Variants in CCNJL observed in about 807,000 individuals in gnomAD.
The protein encoded by CCNJL is cyclin J like.
In CCNJL, 33 loss-of-function variants were observed where a neutral mutation model predicts 33.4. The ratio of observed to expected loss-of-function variants is 0.99; its 90% confidence interval spans 0.75 to 1.32. The LOEUF is 1.32. Among genes scored for constraint, CCNJL ranks in the 40% most tolerant of loss-of-function variants. The probability of loss-of-function intolerance (pLI) is 0.00; values close to 1 mark genes in which losing one functional copy is unlikely to be tolerated. For synonymous variants in CCNJL, 227 were observed against 220.9 expected, an observed-to-expected ratio of 1.03 and a Z score of -0.24; for missense variants, 512 against 499.7, an observed-to-expected ratio of 1.02 and a Z score of -0.23.
intron 3 of CCNJL, among the ~76,000 whole-genome samples, chr5:160,274,340 T>A (rs968212633): frequency 3.3e-5 from 5 of 151,846 alleles, no homozygotes; most frequent in Admixed American, 2.6e-4. Flanking sequence ...GTGCCTGTAA[T>A]CCCAGCTACT....
At chr5:160,282,832 TA>T (rs1418495170) in intron 2 of CCNJL, among the ~76,000 whole-genome samples, 1 of 151,124 alleles carries the variant, frequency 6.6e-6, no homozygotes, top group African/African-American at 2.4e-5. Context: ...AAGTGCTGGA[TA>T]GGGGCAAACT....
intron 3 of CCNJL, among the ~76,000 whole-genome samples, chr5:160,268,692 C>T (rs1466341728): frequency 2.0e-5 from 3 of 152,152 alleles, no homozygotes; most frequent in East Asian, 1.9e-4. Context: ...CCCTTAAGTC[C>T]CCTTAAGGAC....
chr5:160,331,933 G>T (rs574922824), intron 1 of CCNJL, among the ~76,000 whole-genome samples: 1 of 152,244 alleles, frequency 6.6e-6, no homozygotes, highest in South Asian at 2.1e-4. Context: ...CCCCATGTCA[G>T]AGCTACTCAA....
chr5:160,299,867 A>G (rs954316322), intron 2 of CCNJL, among the ~76,000 whole-genome samples: 1 of 151,582 alleles, frequency 6.6e-6, no homozygotes, highest in Admixed American at 6.6e-5. Flanking sequence ...TAATCAGAAA[A>G]GTCCATTGCA....
chr5:160,308,118 AG>A (rs1473092832), intron 2 of CCNJL, among the ~76,000 whole-genome samples: 5 of 152,190 alleles, frequency 3.3e-5, no homozygotes, highest in African/African-American at 1.2e-4. Context: ...GACCCCTTGG[AG>A]GGTGGTCACA....
At chr5:160,283,711 C>G (rs1762318405) in intron 2 of CCNJL, among the ~76,000 whole-genome samples, 1 of 152,240 alleles carries the variant, frequency 6.6e-6, no homozygotes, top group South Asian at 2.1e-4. Flanking sequence ...AATAGTATGT[C>G]TTATTCATTC....
At chr5:160,277,401 TTTAA>T (rs1762051740) in intron 3 of CCNJL, among the ~76,000 whole-genome samples, 3 of 152,270 alleles carry the variant, frequency 2.0e-5, no homozygotes, top group African/African-American at 7.2e-5. Context: ...AAATTATCCT[TTTAA>T]TTAAACAACA....
At chr5:160,274,961 G>GA (rs1262823791) in intron 3 of CCNJL, 1 of 152,160 alleles carries the variant, frequency 6.6e-6, no homozygotes, top group African/African-American at 2.4e-5. Context: ...GGAAGAGAGG[G>GA]AATCTGGCAG....
chr5:160,297,654 C>CAAAAA (rs59634260), intron 2 of CCNJL, among the ~76,000 whole-genome samples: 6 of 107,602 alleles, frequency 5.6e-5, no homozygotes, highest in Admixed American at 1.0e-4. Flanking sequence ...TCTCTATTTA[C>CAAAAA]AAAAAAAAAA....
intron 4 of CCNJL, among the ~76,000 whole-genome samples, chr5:160,259,142 G>A (rs922229412): frequency 4.6e-5 from 7 of 152,156 alleles, no homozygotes; most frequent in Admixed American, 6.5e-5. Context: ...TATGATGGCC[G>A]CTATTTGAGA....
At chr5:160,333,362 T>C (rs528972667) in intron 1 of CCNJL, among the ~76,000 whole-genome samples, 45 of 152,084 alleles carry the variant, frequency 3.0e-4, no homozygotes, top group African/African-American at 1.0e-3. Flanking sequence ...CTGACCTCGT[T>C]ATCTGCCCAC....
At chr5:160,329,751 C>A (rs920659638) in intron 1 of CCNJL, among the ~76,000 whole-genome samples, 1 of 152,212 alleles carries the variant, frequency 6.6e-6, no homozygotes, top group African/African-American at 2.4e-5. Flanking sequence ...AAGCCCACCA[C>A]CTCTGCTCAG....
rs1761232538 is a variant in CCNJL at position 160,259,653 on chromosome 5, C to T, written c.399G>A (p.Leu133=). The part of the protein sequence containing the change: ...TKKELLSTEL[L]LLEAFSWNLC... ...GGTTCCAGCTGAAGGCCTCCAGGAGCAGCAGCTCTGTGCTCAGCAGCTCCT... is the reference window on the plus strand; with the variant it reads ...GGTTCCAGCTGAAGGCCTCCAGGAGTAGCAGCTCTGTGCTCAGCAGCTCCT... Residue 133 remains leucine, a synonymous_variant, in exon 4 of 6, where the codon CTG becomes CTA. Transcript: ENST00000257536. 3 of 1,614,070 alleles carry T rather than the reference C, an allele frequency of 1.9e-6. No homozygotes were observed. Among genetic ancestry groups the T allele is most frequent in the Non-Finnish European group, 2.5e-6 (3 of 1,180,040 alleles).
chr5:160,304,714 T>G (rs1398942833), intron 2 of CCNJL, among the ~76,000 whole-genome samples: 1 of 151,936 alleles, frequency 6.6e-6, no homozygotes, highest in East Asian at 1.9e-4. Context: ...CCTTGAGGGA[T>G]GCAGAAATCC....
chr5:160,303,978 TC>T (rs1229477679), intron 2 of CCNJL, among the ~76,000 whole-genome samples: 7 of 152,124 alleles, frequency 4.6e-5, no homozygotes, highest in African/African-American at 1.7e-4. Flanking sequence ...CCCAGCCAAG[TC>T]CCTTGCCCAT....
chr5:160,280,538 G>A lies in CCNJL; in HGVS notation c.267C>T (p.Cys89=). 1 of 1,612,550 alleles carries A rather than the reference G, an allele frequency of 6.2e-7. No homozygotes were observed. Among genetic ancestry groups the A allele is most frequent in the Non-Finnish European group, 8.5e-7 (1 of 1,179,884 alleles). The change falls in exon 3 of 6, where the codon TGC becomes TGT. Residue 89 remains cysteine, a synonymous_variant. Transcript: ENST00000257536. ...GTTTTCGCTTACTTGCAAGCAGGAG[G>A]CAGGAGACGGCCACGGTGTAGAGCT... The part of the protein sequence containing the change: ...SKQLYTVAVS[C]LLLASKFEDR...
At chr5:160,321,225 G>T (rs1763459425) in intron 1 of CCNJL, among the ~76,000 whole-genome samples, 1 of 151,954 alleles carries the variant, frequency 6.6e-6, no homozygotes, top group African/African-American at 2.4e-5. Flanking sequence ...GGAACAATGG[G>T]ATAAGAGCTT....
At chr5:160,321,311 A>G (rs1040613161) in intron 1 of CCNJL, among the ~76,000 whole-genome samples, 2 of 152,098 alleles carry the variant, frequency 1.3e-5, no homozygotes, top group African/African-American at 2.4e-5. Context: ...TGCTCCTCCA[A>G]CAGACAATAA....
chr5:160,277,319 G>A (rs1209692975), intron 3 of CCNJL, among the ~76,000 whole-genome samples: 3 of 152,186 alleles, frequency 2.0e-5, no homozygotes, highest in South Asian at 2.1e-4. Context: ...AGCCACAGCC[G>A]CTGTGATGCC....
Sources: gnomAD v4.1 joint callset for allele counts (sites outside exome capture counted in the v4.1 genomes callset) on GRCh38, gnomAD v4.1.1 for gene constraint, MANE v1.5 for transcripts, NCBI Gene and HGNC (gene_info 2026-07-23, HGNC 2026-07-21) for gene names.